DSE: variants seen among roughly 807,000 people sequenced by gnomAD.
DSE encodes dermatan-sulfate epimerase.
DSE carries 36 observed loss-of-function variants against 84.4 expected under a neutral mutation model. The ratio of observed to expected loss-of-function variants is 0.43; its 90% CI spans 0.33 to 0.56. The LOEUF is 0.56. DSE is among the 20% of genes least tolerant of loss of function. DSE has a pLI of 0.06. For synonymous variants in DSE, 410 were observed against 430.1 expected (o/e 0.95, Z 0.58); for missense variants, 862 against 1,169.6 (o/e 0.74, Z 3.84).
chr6:116,295,897 A>G (rs1033141377), intron 2 of DSE, among the ~76,000 whole-genome samples: 3 of 152,258 alleles, frequency 2.0e-5, no homozygotes, highest in Admixed American at 6.5e-5. Flanking sequence ...TTAGCAAACC[A>G]TCATTTTATG....
At chr6:116,399,110 C>T in intron 1 of DSE, 88 bp from the exon 2 acceptor site, 1 of 1,039,868 alleles carries the variant, frequency 9.6e-7, no homozygotes, top group South Asian at 1.7e-5. Flanking sequence ...TTTATTTTCA[C>T]ATATGGTTTC....
chr6:116,352,809 CA>C (rs1778378492), intron 2 of DSE, among the ~76,000 whole-genome samples: 1 of 152,106 alleles, frequency 6.6e-6, no homozygotes, highest in Admixed American at 6.6e-5. Flanking sequence ...TCTGGGTGGG[CA>C]AAAAATAGGC....
At chr6:116,326,258 G>T (rs1776614175) in intron 2 of DSE, among the ~76,000 whole-genome samples, 1 of 152,024 alleles carries the variant, frequency 6.6e-6, no homozygotes, top group Non-Finnish European at 1.5e-5. Context: ...GAGCTCAGAG[G>T]GGAGGACGGC....
At chr6:116,338,221 T>G (rs1382868135) in intron 2 of DSE, among the ~76,000 whole-genome samples, 1 of 122,604 alleles carries the variant, frequency 8.2e-6, no homozygotes, top group Non-Finnish European at 1.6e-5. Flanking sequence ...TCTTCTTTCT[T>G]TTTTTTTTTT....
upstream of DSE, chr6:116,369,951 C>T: frequency 7.8e-7 from 1 of 1,289,198 alleles, no homozygotes; most frequent in Non-Finnish European, 1.0e-6. Flanking sequence ...AAATCTTTCA[C>T]TTCTGTACAA....
rs567858176 is a variant in DSE at position 116,329,566 on chromosome 6, G to A, written c.-53-69632G>A. Among the ~76,000 whole-genome samples the A allele has an allele frequency of 3.3e-5, 5 of 152,258 alleles. No homozygotes were observed. In the East Asian group the frequency reaches 9.6e-4, roughly 29 times the overall value. ...TGGGATTTGTATGAATCTGATGAAT[G>A]TATTCTTATTTTAAAGATTTCATCA... On this transcript the variant is annotated intron_variant, in intron 2 of 3. Coordinates refer to the DSE transcript ENST00000430252.
Position 116,399,447 on chromosome 6 carries a change from A to G in DSE, c.197A>G (p.His66Arg). Residue 66 changes from histidine (H) to arginine (R), a missense_variant, in exon 2 of 6, where the codon CAC (histidine) becomes CGC (arginine). By Grantham distance (29) the His-to-Arg change is conservative. Coordinates refer to ENST00000644252, the MANE Select transcript of DSE (RefSeq NM_013352.4). ...LQLRAASSHE[H>R]IAARLTEAVH... is the part of the protein sequence containing the mutation. ...CTCAGGGCTGCCAGCTCGCACGAGC[A>G]CATTGCAGCCCGCCTCACGGAGGCT... The G allele has an allele frequency of 6.2e-7, 1 of 1,614,244 alleles. No individual in the cohort carries two copies. Among genetic ancestry groups the G allele is most frequent in the Non-Finnish European group, 8.5e-7 (1 of 1,180,044 alleles).
At chr6:116,285,052 G>A (rs889423498) in intron 2 of DSE, among the ~76,000 whole-genome samples, 30 of 152,136 alleles carry the variant, frequency 2.0e-4, no homozygotes, top group Admixed American at 9.8e-4. Flanking sequence ...GGATGGCTGG[G>A]TCAAATGGTA....
intron 2 of DSE, among the ~76,000 whole-genome samples, chr6:116,311,423 A>C (rs1374380640): frequency 6.6e-6 from 1 of 152,186 alleles, no homozygotes; most frequent in Admixed American, 6.5e-5. Context: ...AAAGAAAATG[A>C]GTTGTTTCCA....
In DSE at chr6:116,440,075, T is replaced by C. The variant is rs1784380527; in HGVS notation, c.*2730T>C. 1 of 152,300 alleles carries C rather than the reference T, an allele frequency of 6.6e-6. No individual in the cohort carries two copies. The highest frequency in any genetic ancestry group is 3.4e-3 in the Middle Eastern group (1 of 294). The allele number at this position is 152,300 out of a possible 1,614,324, so 9.4% of individuals were successfully genotyped here. ...GAGAACATTCTTTTGACAACATTGT[T>C]TTAATCGTCAAAGTCAGGTGGAAGA... On this transcript the variant is annotated 3_prime_UTR_variant, in exon 6 of 6. Transcript: ENST00000644252.
chr6:116,259,723 A>C (rs763615901), intron 2 of DSE, among the ~76,000 whole-genome samples: 1 of 152,184 alleles, frequency 6.6e-6, no homozygotes, highest in Non-Finnish European at 1.5e-5. Context: ...GCTCCCACCT[A>C]TAAGAGAATT....
At chr6:116,274,166 A>G (rs1445219468) in intron 2 of DSE, among the ~76,000 whole-genome samples, 1 of 152,098 alleles carries the variant, frequency 6.6e-6, no homozygotes, top group Non-Finnish European at 1.5e-5. Flanking sequence ...GAACTGACTT[A>G]ATGCAGAGCT....
intron 2 of DSE, among the ~76,000 whole-genome samples, chr6:116,312,535 G>A (rs1368631969): frequency 6.6e-6 from 1 of 152,090 alleles, no homozygotes; most frequent in African/African-American, 2.4e-5. Context: ...AGGTATAGGA[G>A]GGAGACCTTG....
intron 2 of DSE, among the ~76,000 whole-genome samples, chr6:116,416,807 T>C (rs1206005677): frequency 6.6e-6 from 1 of 152,190 alleles, no homozygotes; most frequent in Non-Finnish European, 1.5e-5. Flanking sequence ...CACTGGATGC[T>C]TGCATAGACA....
intron 2 of DSE, among the ~76,000 whole-genome samples, chr6:116,298,817 T>C (rs1189492732): frequency 2.0e-5 from 3 of 152,228 alleles, no homozygotes; most frequent in African/African-American, 7.2e-5. Flanking sequence ...TTCTGCATTC[T>C]GATAGGTGGG....
intron 1 of DSE, among the ~76,000 whole-genome samples, chr6:116,373,934 AAAT>A (rs1377892971): frequency 6.6e-6 from 1 of 152,240 alleles, no homozygotes; most frequent in Non-Finnish European, 1.5e-5. Flanking sequence ...TTATTTCAAT[AAAT>A]AATTGTAGAG....
intron 2 of DSE, among the ~76,000 whole-genome samples, chr6:116,333,823 A>G (rs1777090013): frequency 6.6e-6 from 1 of 152,132 alleles, no homozygotes; most frequent in African/African-American, 2.4e-5. Flanking sequence ...CTTTAATTAC[A>G]TTACTTGATG....
intron 1 of DSE, chr6:116,255,412 A>G (rs1252680077): frequency 6.6e-6 from 1 of 152,220 alleles, no homozygotes. Context: ...ACGGAGAAAC[A>G]GCCTGCCTTG....
intron 1 of DSE, among the ~76,000 whole-genome samples, chr6:116,376,508 G>A (rs77958298): frequency 6.6e-6 from 1 of 152,276 alleles, no homozygotes; most frequent in East Asian, 1.9e-4. Flanking sequence ...TTATTGAGGC[G>A]ATCTGTTTAT....
Sources: allele counts gnomAD v4.1 joint callset (sites outside exome capture counted in the v4.1 genomes callset), GRCh38; gene constraint gnomAD v4.1.1; transcripts MANE v1.5; gene names NCBI Gene and HGNC (gene_info 2026-07-23, HGNC 2026-07-21).